FAM193A: variants seen among roughly 807,000 people sequenced by gnomAD.
FAM193A encodes the protein family with sequence similarity 193 member A.
A neutral mutation model predicts 126.5 loss-of-function variants in FAM193A; 22 were observed. The observed-to-expected ratio is 0.17, with a 90% CI of 0.12 to 0.25. FAM193A has a LOEUF of 0.25. Ranked by LOEUF, FAM193A falls within the 10% of genes least tolerant of loss-of-function variation. The pLI is 1.00. For missense variants in FAM193A, 1,675 were observed against 1,672.8 expected (o/e 1.00, Z -0.02); for synonymous variants, 761 against 646.8 (o/e 1.18, Z -2.68).
At chr4:2,690,666 A>T in intron 14 of FAM193A, 32 bp from the exon 15 acceptor site, 1 of 1,586,386 alleles carries the variant, frequency 6.3e-7, no homozygotes, top group Non-Finnish European at 8.6e-7. Flanking sequence ...GATTGCTGTC[A>T]GAAGCCTTAA....
intron 5 of FAM193A, among the ~76,000 whole-genome samples, chr4:2,635,413 G>T (rs1743991582): frequency 6.6e-6 from 1 of 152,022 alleles, no homozygotes; most frequent in Non-Finnish European, 1.5e-5. Flanking sequence ...TTTTTTAAAT[G>T]CTTATTGTCA....
rs1204434821 is a variant in FAM193A, at chr4:2,635,269, G to A, written c.1038+4100G>A. 3.9e-5 allele frequency among the ~76,000 whole-genome samples: 6 copies of A among 152,060 alleles called. No homozygotes were observed. In the East Asian group the frequency reaches 5.8e-4, roughly 15 times the overall value. ...TGCAGCACCAGCTTAAGATAAACTC[G>A]GTGTCTCAGGGCAGTAATTCTCAAC... On this transcript the variant is annotated intron_variant, in intron 5 of 20. Coordinates refer to ENST00000637812, the MANE Select transcript of FAM193A (RefSeq NM_001366318.2).
chr4:2,539,982 G>T (rs1182018240), intron 1 of FAM193A, among the ~76,000 whole-genome samples: 1 of 152,126 alleles, frequency 6.6e-6, no homozygotes, highest in South Asian at 2.1e-4. Context: ...GCCAGGTGTG[G>T]TGGTATGCAC....
chr4:2,577,422 G>GTTTTTTTGTTTTT (rs1553888656), intron 1 of FAM193A, among the ~76,000 whole-genome samples: 1 of 115,540 alleles, frequency 8.7e-6, no homozygotes, highest in African/African-American at 3.4e-5. Context: ...TTTTTTTTTT[G>GTTTTTTTGTTTTT]TTTTTTTTTT....
intron 6 of FAM193A, among the ~76,000 whole-genome samples, chr4:2,644,018 A>C (rs1744891678): frequency 6.6e-6 from 1 of 152,208 alleles, no homozygotes; most frequent in African/African-American, 2.4e-5. Context: ...GTAACATTAC[A>C]GTAAGCATAT....
At chr4:2,629,614 A>G (rs934794951) in intron 4 of FAM193A, among the ~76,000 whole-genome samples, 1 of 152,224 alleles carries the variant, frequency 6.6e-6, no homozygotes, top group Non-Finnish European at 1.5e-5. Context: ...TATGGTATGT[A>G]GGTGAAAGGA....
At chr4:2,655,220 A>T (rs1711534076) in intron 7 of FAM193A, 11 of 526,010 alleles carry the variant, frequency 2.1e-5, no homozygotes, top group Non-Finnish European at 3.8e-5. Flanking sequence ...TTTCTAGTTG[A>T]TTTAGGCTAT....
chr4:2,686,878 T>G (rs1037992563), intron 13 of FAM193A, among the ~76,000 whole-genome samples: 2 of 152,210 alleles, frequency 1.3e-5, no homozygotes, highest in Admixed American at 1.3e-4. Flanking sequence ...TTTTGTCAAT[T>G]ACTTCTCAGC....
At chr4:2,680,000 A>C (rs1302296224) in intron 13 of FAM193A, among the ~76,000 whole-genome samples, 1 of 152,114 alleles carries the variant, frequency 6.6e-6, no homozygotes, top group Non-Finnish European at 1.5e-5. Context: ...AACTGGAACT[A>C]CAGGCACATG....
chr4:2,613,696 C>T (rs1212843834), intron 2 of FAM193A, among the ~76,000 whole-genome samples: 15 of 151,674 alleles, frequency 9.9e-5, no homozygotes, highest in South Asian at 8.3e-4. Flanking sequence ...TCGGGTGATC[C>T]GCATGCCTTG....
chr4:2,618,422 GATTT>G (rs112503346), intron 2 of FAM193A, among the ~76,000 whole-genome samples: 22 of 151,604 alleles, frequency 1.5e-4, no homozygotes, highest in Non-Finnish European at 2.4e-4. Flanking sequence ...CTTCATTTTG[GATTT>G]ATTTATTTAT....
At chr4:2,611,370 G>A (rs1202474015) in intron 2 of FAM193A, among the ~76,000 whole-genome samples, 1 of 152,066 alleles carries the variant, frequency 6.6e-6, no homozygotes, top group Non-Finnish European at 1.5e-5. Flanking sequence ...CCAGGTTCAA[G>A]CAGTTCTCTT....
intron 13 of FAM193A, among the ~76,000 whole-genome samples, chr4:2,680,531 C>G (rs1023571055): frequency 1.3e-5 from 2 of 151,918 alleles, no homozygotes; most frequent in African/African-American, 4.8e-5. Flanking sequence ...AAGACAGGGT[C>G]TCACTATGTT....
rs1736904638 is a variant in FAM193A at position 2,536,845 on chromosome 4, C to G, written c.-71C>G. On this transcript the variant is annotated 5_prime_UTR_variant, in exon 1 of 21. Transcript: ENST00000637812. ...CCCGCCGCCGCGGCCGCCTCAGCCTCCCCGCCTTCCCCGCCCTCCGCCGCC... is the reference window on the plus strand; with the variant it reads ...CCCGCCGCCGCGGCCGCCTCAGCCTGCCCGCCTTCCCCGCCCTCCGCCGCC... The G allele has an allele frequency of 6.8e-6, 1 of 147,386 alleles. No homozygotes were observed. Among genetic ancestry groups the G allele is most frequent in the Non-Finnish European group, 1.5e-5 (1 of 66,064 alleles). 9.1% of individuals were successfully genotyped at this position (147,386 alleles called of 1,614,324 possible). A position where few individuals can be genotyped will look rare whatever the true frequency, so the allele number is the denominator to read the frequency against.
At chr4:2,593,146 C>T (rs1577050703) in intron 1 of FAM193A, among the ~76,000 whole-genome samples, 1 of 152,300 alleles carries the variant, frequency 6.6e-6, no homozygotes, top group East Asian at 1.9e-4. Context: ...TCATACTTGT[C>T]CCTAGCTCTT....
intron 1 of FAM193A, among the ~76,000 whole-genome samples, chr4:2,554,746 T>C (rs1188428625): frequency 1.3e-5 from 2 of 152,224 alleles, no homozygotes; most frequent in Non-Finnish European, 2.9e-5. Context: ...TTCATGTATG[T>C]TTGAAGCTGT....
chr4:2,652,394 T>C (rs1225908588), intron 7 of FAM193A, among the ~76,000 whole-genome samples: 1 of 152,198 alleles, frequency 6.6e-6, no homozygotes, highest in Non-Finnish European at 1.5e-5. Context: ...CATTCTTGCA[T>C]TGCTATAAAG....
At chr4:2,624,651 G>A (rs1198524092) in intron 2 of FAM193A, among the ~76,000 whole-genome samples, 1 of 152,168 alleles carries the variant, frequency 6.6e-6, no homozygotes, top group Admixed American at 6.5e-5. Flanking sequence ...TGCTGATTAG[G>A]ACAGTGGGAG....
chr4:2,612,459 A>G (rs1398841200), intron 2 of FAM193A, among the ~76,000 whole-genome samples: 1 of 152,076 alleles, frequency 6.6e-6, no homozygotes, highest in Non-Finnish European at 1.5e-5. Flanking sequence ...AGATTGCACC[A>G]CTGTACTCCA....
Sources: allele counts gnomAD v4.1 joint callset (sites outside exome capture counted in the v4.1 genomes callset), GRCh38; gene constraint gnomAD v4.1.1; transcripts MANE v1.5; gene names NCBI Gene and HGNC (gene_info 2026-07-23, HGNC 2026-07-21).